Variants in GRK7 observed in about 807,000 individuals in gnomAD.
GRK7 encodes G protein-coupled receptor kinase 7, also known as rhodopsin kinase GRK7.
Under a neutral mutation model 34.1 loss-of-function variants are expected in GRK7, and 24 were observed. That is an observed-to-expected ratio of 0.70 (90% CI 0.51 to 0.99). The LOEUF is 0.99. Among genes scored for constraint, GRK7 ranks in the 50% least tolerant of loss-of-function variants. GRK7 has a pLI of 0.00. For synonymous variants in GRK7, 256 were observed against 279.4 expected (o/e 0.92, Z 0.84); for missense variants, 644 against 707.3 (o/e 0.91, Z 1.02).
intron 4 of GRK7, among the ~76,000 whole-genome samples, chr3:141,804,100 C>A (rs901337697): frequency 2.6e-5 from 4 of 152,210 alleles, no homozygotes; most frequent in Non-Finnish European, 5.9e-5. Flanking sequence ...ATCTATCCAT[C>A]CTCTCTATCC....
At chr3:141,804,789 A>G (rs535512763) in intron 4 of GRK7, among the ~76,000 whole-genome samples, 227 of 150,604 alleles carry the variant, frequency 1.5e-3, no homozygotes, top group African/African-American at 5.3e-3. Context: ...GCTCACATAC[A>G]CGCACACATA....
At chr3:141,773,350 G>C (rs1257395181) in intron 1 of GRK7, among the ~76,000 whole-genome samples, 1 of 151,788 alleles carries the variant, frequency 6.6e-6, no homozygotes, top group Non-Finnish European at 1.5e-5. Context: ...ATGTGCAAAT[G>C]CTGAATTGGC....
the GRK7 span, among the ~76,000 whole-genome samples, chr3:141,753,210 T>C: frequency 6.6e-6 from 1 of 152,244 alleles, no homozygotes; most frequent in African/African-American, 2.4e-5. Flanking sequence ...CCAAAATTGC[T>C]TTTTTAAAGT....
At chr3:141,767,160 A>G (rs1159897654) in intron 1 of GRK7, among the ~76,000 whole-genome samples, 4 of 152,192 alleles carry the variant, frequency 2.6e-5, no homozygotes, top group African/African-American at 7.2e-5. Flanking sequence ...TTTCACCCCT[A>G]TGAAAGCATG....
intron 4 of GRK7, among the ~76,000 whole-genome samples, chr3:141,802,493 G>GA (rs1710981174): frequency 6.6e-6 from 1 of 152,044 alleles, no homozygotes; most frequent in East Asian, 1.9e-4. Flanking sequence ...CACCGTGGAT[G>GA]AAAAAAGCCC....
chr3:141,776,150 G>A (rs754605538), intron 2 of GRK7, among the ~76,000 whole-genome samples: 14 of 151,992 alleles, frequency 9.2e-5, no homozygotes, highest in African/African-American at 3.4e-4. Context: ...AGCCGGGCGC[G>A]GTGGCGGGCA....
Position 141,817,231 on chromosome 3 carries a change from A to T in GRK7, c.*181A>T. On this transcript the variant is annotated 3_prime_UTR_variant, in exon 6 of 6. Coordinates refer to ENST00000682958, the MANE Select transcript of GRK7 (RefSeq NM_139209.3). ...CATTTTATTTTCTTTTTCTTTCTTC[A>T]TAAAGATGAGTAAAGTCTCAGTTTT... 1 of 514,062 alleles carries T rather than the reference A, an allele frequency of 1.9e-6. No homozygotes were observed. Among genetic ancestry groups the T allele is most frequent in the Non-Finnish European group, 3.4e-6 (1 of 295,292 alleles). 31.8% of individuals were successfully genotyped at this position (514,062 alleles called of 1,614,324 possible).
At chr3:141,752,539 G>A in the GRK7 span, among the ~76,000 whole-genome samples, 1 of 152,176 alleles carries the variant, frequency 6.6e-6, no homozygotes, top group East Asian at 1.9e-4. Flanking sequence ...ATATTTTGGG[G>A]AAGTTAGAAT....
chr3:141,754,390 G>A, the GRK7 span, among the ~76,000 whole-genome samples: 2 of 149,572 alleles, frequency 1.3e-5, no homozygotes, highest in Non-Finnish European at 3.0e-5. Flanking sequence ...TCTTTAGCAA[G>A]ACATTGACTT....
chr3:141,781,536 C>CA (rs35546502), intron 4 of GRK7, among the ~76,000 whole-genome samples: 14,069 of 86,234 alleles, frequency 0.16, 774 homozygotes, highest in Middle Eastern at 0.22. Flanking sequence ...GACTCTGTCT[C>CA]AAAAAAAAAA....
chr3:141,812,061 T>C (rs1489964040), intron 5 of GRK7, among the ~76,000 whole-genome samples: 1 of 152,242 alleles, frequency 6.6e-6, no homozygotes, highest in Non-Finnish European at 1.5e-5. Context: ...CTGATTTAAG[T>C]GCTTCTCCAA....
chr3:141,803,014 A>G (rs1215839276), intron 4 of GRK7, among the ~76,000 whole-genome samples: 2 of 152,240 alleles, frequency 1.3e-5, no homozygotes, highest in Non-Finnish European at 2.9e-5. Flanking sequence ...AGAATTTCAG[A>G]AAAAATTCAG....
At chr3:141,801,046 C>A (rs547525855) in intron 4 of GRK7, among the ~76,000 whole-genome samples, 1 of 152,100 alleles carries the variant, frequency 6.6e-6, no homozygotes, top group Non-Finnish European at 1.5e-5. Flanking sequence ...TGCAGTGGCT[C>A]ACACCTGTAA....
At chr3:141,767,101 G>A (rs2681690) in intron 1 of GRK7, among the ~76,000 whole-genome samples, 93,472 of 152,004 alleles carry the variant, frequency 0.61, 29,254 homozygotes, top group African/African-American at 0.71. Context: ...AATATTTATG[G>A]ACTTAATTTA....
intron 1 of GRK7, among the ~76,000 whole-genome samples, chr3:141,766,170 C>CT (rs767294683): frequency 0.065 from 8,408 of 129,310 alleles, 257 homozygotes; most frequent in African/African-American, 0.15. Context: ...TTAATTTTTT[C>CT]TTTTTTTTTT....
At chr3:141,802,532 C>A (rs2107890801) in intron 4 of GRK7, among the ~76,000 whole-genome samples, 2 of 152,266 alleles carry the variant, frequency 1.3e-5, no homozygotes, top group South Asian at 4.1e-4. Context: ...TGAGAAATTT[C>A]ATCATATTGG....
rs56022585 is a variant in GRK7, at chr3:141,780,731, C to T, written c.970C>T (p.Leu324=). The T allele has an allele frequency of 4.3e-6, 7 of 1,614,072 alleles. No homozygotes were observed. The highest frequency in any genetic ancestry group is 1.3e-5 in the African/African-American group (1 of 74,926). The stretch of plus-strand genomic sequence containing the variant: ...GGACATGAAGCCTGAGAATGTGCTT[C>T]TGGATGACCTCGGCAACTGCAGGTT... ...YRDMKPENVL[L]DDLGNCRLSD... Residue 324 remains leucine (L), a synonymous_variant, in exon 4 of 6, where the codon CTG becomes TTG. Coordinates refer to ENST00000682958, the MANE Select transcript of GRK7 (RefSeq NM_139209.3).
At chr3:141,754,087 A>G in the GRK7 span, among the ~76,000 whole-genome samples, 1 of 152,226 alleles carries the variant, frequency 6.6e-6, no homozygotes, top group Non-Finnish European at 1.5e-5. Context: ...ATCTTCTTTC[A>G]AACACTAGTG....
Position 141,763,526 on chromosome 3 carries a change from T to A in GRK7, c.-2427T>A, listed in dbSNP as rs1303301063. Among the ~76,000 whole-genome samples, 1 of 152,158 alleles carries A rather than the reference T, an allele frequency of 6.6e-6. No individual in the cohort carries two copies. The highest frequency in any genetic ancestry group is 1.9e-4 in the East Asian group (1 of 5,200). On this transcript the variant is annotated 5_prime_UTR_variant, in exon 1 of 6. Transcript: ENST00000682958. The stretch of plus-strand genomic sequence containing the variant: ...ACGAGGAACCAGGGCCCCAGTGCTG[T>A]GCCTAAGACCTCCTTCAACTTAGCA...
Sources: gnomAD v4.1 joint callset for allele counts (sites outside exome capture counted in the v4.1 genomes callset) on GRCh38, gnomAD v4.1.1 for gene constraint, MANE v1.5 for transcripts, NCBI Gene and HGNC (gene_info 2026-07-23, HGNC 2026-07-21) for gene names.